The following AK7 variants were observed in gnomAD, a reference collection of about 807,000 sequenced individuals.
AK7 encodes the protein ATP-AMP transphosphorylase 7.
A neutral mutation model predicts 96.6 loss-of-function variants in AK7; 78 were observed. The ratio of observed to expected loss-of-function variants is 0.81; its 90% confidence interval spans 0.67 to 0.97. The LOEUF is 0.97. Among genes scored for constraint, AK7 ranks in the 50% least tolerant of loss-of-function variants. The pLI is 0.00. For synonymous variants in AK7, 302 were observed against 317.2 expected, an observed-to-expected ratio of 0.95 and a Z score of 0.51; for missense variants, 855 against 887.9, an observed-to-expected ratio of 0.96 and a Z score of 0.47.
rs781080967 is a variant in AK7 at position 96,446,626 on chromosome 14, A to G, written c.870+19A>G. 8 of 1,606,644 alleles carry G rather than the reference A, an allele frequency of 5.0e-6. No individual in the cohort carries two copies. The South Asian group carries it at 5.5e-5, about 11-fold the overall frequency. ...AGTCAAGGTACAGTGGTTTCATCCCATACTTTGATGACATATCGTAAATAG... is the reference window on the plus strand; with the variant it reads ...AGTCAAGGTACAGTGGTTTCATCCCGTACTTTGATGACATATCGTAAATAG... On this transcript the variant is annotated intron_variant, in intron 8 of 17. Transcript: ENST00000267584.
chr14:96,488,271 G>T, intron 17 of AK7, 34 bp from the exon 18 acceptor site: 1 of 1,586,266 alleles, frequency 6.3e-7, no homozygotes, highest in Non-Finnish European at 8.6e-7. Flanking sequence ...ATAATAACTT[G>T]TAAACTGTTG....
chr14:96,400,884 G>A (rs970306829), intron 2 of AK7, among the ~76,000 whole-genome samples: 3 of 152,230 alleles, frequency 2.0e-5, no homozygotes, highest in South Asian at 4.1e-4. Context: ...TGGAGAAAAG[G>A]AAGAGGAAAT....
At chr14:96,442,942 G>A (rs895262476) in intron 7 of AK7, 124 bp downstream of exon 7, 30 of 843,358 alleles carry the variant, frequency 3.6e-5, no homozygotes, top group Middle Eastern at 4.5e-4. Flanking sequence ...TTCATTCTTC[G>A]TAACAACCCT....
chr14:96,408,809 A>G lies in AK7; in HGVS notation c.404-38A>G, dbSNP rs751866307. The stretch of plus-strand genomic sequence containing the variant: ...ACGTGATTTAGAAACCAAGTTGTGC[A>G]TGGGTCCAAATAACCACTCTGCTTT... On this transcript the variant is annotated intron_variant, in intron 3 of 17. Transcript: ENST00000267584. 8 of 1,601,874 alleles carry G rather than the reference A, an allele frequency of 5.0e-6. No individual in the cohort carries two copies. The African/African-American group carries it at 6.7e-5, about 13-fold the overall frequency.
intron 1 of AK7, among the ~76,000 whole-genome samples, chr14:96,396,696 G>T (rs1052044038): frequency 6.6e-6 from 1 of 152,162 alleles, no homozygotes; most frequent in East Asian, 1.9e-4. Context: ...AAAATAAAAT[G>T]ATTGTTGACA....
chr14:96,477,256 A>T (rs1482447790), intron 14 of AK7, among the ~76,000 whole-genome samples: 1 of 152,220 alleles, frequency 6.6e-6, no homozygotes, highest in Non-Finnish European at 1.5e-5. Context: ...GCAGCAGATG[A>T]TGTTCACACA....
At chr14:96,481,034 C>A (rs757531670) in intron 15 of AK7, among the ~76,000 whole-genome samples, 2 of 152,162 alleles carry the variant, frequency 1.3e-5, no homozygotes, top group Non-Finnish European at 2.9e-5. Flanking sequence ...GTACTCTCCC[C>A]CTCTGTGGCC....
Position 96,408,924 on chromosome 14 carries a change from T to C in AK7, c.481T>C (p.Ser161Pro). The C allele has an allele frequency of 1.2e-6, 2 of 1,614,222 alleles. No homozygotes were observed. Among genetic ancestry groups the C allele is most frequent in the Non-Finnish European group, 1.7e-6 (2 of 1,180,030 alleles). Reference sequence around the variant, plus strand: ...GTCGACGGTGATGACTTGGGCGCGCTCCAAAGCCCTGGACCCCGTAAGTAG... The same window carrying C: ...GTCGACGGTGATGACTTGGGCGCGCCCCAAAGCCCTGGACCCCGTAAGTAG... ...LLSTVMTWAR[S>P]KALDPEDSEV... is the part of the protein sequence containing the mutation. Residue 161 changes from serine to proline, a missense_variant, in exon 4 of 18, where the codon TCC (serine) becomes CCC (proline). Transcript: ENST00000267584.
intron 12 of AK7, among the ~76,000 whole-genome samples, chr14:96,465,759 C>A (rs996432452): frequency 6.6e-6 from 1 of 152,030 alleles, no homozygotes; most frequent in Non-Finnish European, 1.5e-5. Flanking sequence ...CGCCTATAAT[C>A]CCAGCACTTT....
intron 12 of AK7, among the ~76,000 whole-genome samples, chr14:96,470,037 C>T (rs896916783): frequency 6.6e-6 from 1 of 152,068 alleles, no homozygotes; most frequent in Non-Finnish European, 1.5e-5. Flanking sequence ...AGGCTGGTCT[C>T]GAACTCCCAA....
chr14:96,394,755 C>T (rs545493308), intron 1 of AK7, among the ~76,000 whole-genome samples: 1 of 152,228 alleles, frequency 6.6e-6, no homozygotes, highest in Non-Finnish European at 1.5e-5. Flanking sequence ...GCAAGCGGAT[C>T]ACTTGAGGTC....
Position 96,478,677 on chromosome 14 carries a change from C to T in AK7, c.1753+15C>T. 1.2e-6 allele frequency: 2 copies of T among 1,611,830 alleles called. No individual in the cohort carries two copies. Among genetic ancestry groups the T allele is most frequent in the Non-Finnish European group, 1.7e-6 (2 of 1,178,560 alleles). On this transcript the variant is annotated intron_variant, in intron 15 of 17. Coordinates refer to ENST00000267584, the MANE Select transcript of AK7 (RefSeq NM_152327.5). The stretch of plus-strand genomic sequence containing the variant: ...GATACATATTGGTATGAAATGAATT[C>T]AAGGATAATGTGAATGTCCAGGACC...
intron 15 of AK7, among the ~76,000 whole-genome samples, chr14:96,479,205 T>C (rs547617025): frequency 2.0e-5 from 3 of 151,966 alleles, no homozygotes; most frequent in South Asian, 4.2e-4. Flanking sequence ...GCCTCCCGAG[T>C]AGCTGGGACT....
At chr14:96,409,061 T>C (rs1275125526) in intron 4 of AK7, 120 bp downstream of exon 4, 1 of 939,028 alleles carries the variant, frequency 1.1e-6, no homozygotes, top group Non-Finnish European at 1.6e-6. Context: ...TCCTATCCCA[T>C]AATAAGCACC....
chr14:96,411,924 G>A (rs1412985606), intron 4 of AK7, among the ~76,000 whole-genome samples: 2 of 152,226 alleles, frequency 1.3e-5, no homozygotes, highest in Admixed American at 6.5e-5. Context: ...ATGCCACTGG[G>A]CGCCAAGGAC....
At chr14:96,471,892 C>T (rs372785587) in intron 13 of AK7, among the ~76,000 whole-genome samples, 205 of 151,994 alleles carry the variant, frequency 1.3e-3, no homozygotes, top group African/African-American at 4.8e-3. Flanking sequence ...TTTAAGTGTG[C>T]GATACATTAT....
chr14:96,441,521 C>T lies in AK7; in HGVS notation c.691-1209C>T, dbSNP rs138004280. On this transcript the variant is annotated intron_variant, in intron 6 of 17. Coordinates refer to ENST00000267584, the MANE Select transcript of AK7 (RefSeq NM_152327.5). ...AGGTGTGGTGGCACATGCTTGTGATCCCAACTATTCGGGAAGCTGAGGCAG... is the reference window on the plus strand; with the variant it reads ...AGGTGTGGTGGCACATGCTTGTGATTCCAACTATTCGGGAAGCTGAGGCAG... Among the ~76,000 whole-genome samples, 973 of 151,770 alleles carry T rather than the reference C, an allele frequency of 6.4e-3. 9 individuals carry two copies. Among genetic ancestry groups the T allele is most frequent in the Non-Finnish European group, 0.01 (687 of 67,914 alleles).
At chr14:96,410,008 C>A (rs1190950182) in intron 4 of AK7, among the ~76,000 whole-genome samples, 1 of 152,084 alleles carries the variant, frequency 6.6e-6, no homozygotes, top group Non-Finnish European at 1.5e-5. Flanking sequence ...ACCATTGATC[C>A]CAGATATGTT....
intron 12 of AK7, among the ~76,000 whole-genome samples, chr14:96,461,783 G>A (rs970484357): frequency 2.6e-5 from 4 of 152,092 alleles, no homozygotes; most frequent in Admixed American, 6.6e-5. Context: ...ACGGGGTTTC[G>A]CCATGTTGGC....
Sources: allele counts gnomAD v4.1 joint callset (sites outside exome capture counted in the v4.1 genomes callset), GRCh38; gene constraint gnomAD v4.1.1; transcripts MANE v1.5; gene names NCBI Gene and HGNC (gene_info 2026-07-23, HGNC 2026-07-21).